The following NAALADL2 variants were observed in gnomAD, a reference collection of about 807,000 sequenced individuals.
NAALADL2 encodes N-acetylated alpha-linked acidic dipeptidase like 2, also known as inactive N-acetylated-alpha-linked acidic dipeptidase-like protein 2.
NAALADL2 carries 76 observed loss-of-function variants against 87.2 expected under a neutral mutation model. The ratio of observed to expected loss-of-function variants is 0.87; its 90% CI spans 0.72 to 1.05. The LOEUF is 1.05. NAALADL2 is among the 50% of genes least tolerant of loss of function. The pLI, the probability that NAALADL2 is intolerant of heterozygous loss-of-function variation, is 0.00. For synonymous variants in NAALADL2, 354 were observed against 331.0 expected, an observed-to-expected ratio of 1.07 and a Z score of -0.75; for missense variants, 1,089 against 945.8, an observed-to-expected ratio of 1.15 and a Z score of -1.99.
chr3:175,561,891 T>C (rs1473639826), intron 9 of NAALADL2, among the ~76,000 whole-genome samples: 1 of 152,224 alleles, frequency 6.6e-6, no homozygotes, highest in Non-Finnish European at 1.5e-5. Context: ...CAGCATAATG[T>C]AGACTTCAAC....
At position 175,573,751 on chromosome 3, in the gene NAALADL2, G is replaced by T. The variant is rs141360997; in HGVS notation, c.1654-2290G>T. ...CCCAGGAGTCTTAAGCCAGAGGAAT[G>T]TGTCAGAAAGTGAAAAAGGATTACC... On this transcript the variant is annotated intron_variant, in intron 9 of 13. Coordinates refer to ENST00000454872, the MANE Select transcript of NAALADL2 (RefSeq NM_207015.3). 2.0e-5 allele frequency among the ~76,000 whole-genome samples: 3 copies of T among 152,318 alleles called. No homozygotes were observed. The East Asian group carries it at 5.8e-4, about 29-fold the overall frequency.
At chr3:174,945,120 A>G (rs1739205736) in intron 1 of NAALADL2, among the ~76,000 whole-genome samples, 1 of 152,216 alleles carries the variant, frequency 6.6e-6, no homozygotes, top group African/African-American at 2.4e-5. Context: ...GTGCTTACAA[A>G]CAATAGGTGT....
intron 2 of NAALADL2, among the ~76,000 whole-genome samples, chr3:174,630,693 G>A (rs747645761): frequency 2.0e-5 from 3 of 152,074 alleles, no homozygotes; most frequent in African/African-American, 4.8e-5. Context: ...CAACAGCTTC[G>A]TCTATGTTTA....
chr3:175,441,039 A>G (rs1719637891), intron 5 of NAALADL2, among the ~76,000 whole-genome samples: 1 of 151,026 alleles, frequency 6.6e-6, no homozygotes, highest in Non-Finnish European at 1.5e-5. Flanking sequence ...AGGGTGAGCA[A>G]ATACAGTTTT....
At chr3:175,267,863 C>T (rs1479224275) in intron 4 of NAALADL2, among the ~76,000 whole-genome samples, 3 of 152,116 alleles carry the variant, frequency 2.0e-5, no homozygotes, top group African/African-American at 7.2e-5. Flanking sequence ...AGTCAGTGGT[C>T]AAACTTTTTA....
At chr3:175,176,221 G>A (rs1330751814) in intron 2 of NAALADL2, among the ~76,000 whole-genome samples, 1 of 151,670 alleles carries the variant, frequency 6.6e-6, no homozygotes, top group Non-Finnish European at 1.5e-5. Context: ...TCAGAATTTA[G>A]ATTTCCTTTC....
chr3:175,558,194 C>CAAAAAAAA (rs71164638), intron 9 of NAALADL2, among the ~76,000 whole-genome samples: 23 of 82,408 alleles, frequency 2.8e-4, no homozygotes, highest in African/African-American at 7.9e-4. Context: ...GACCCCGTCT[C>CAAAAAAAA]AAAAAAAAAA....
intron 12 of NAALADL2, among the ~76,000 whole-genome samples, chr3:175,741,682 G>A (rs142917353): frequency 6.6e-6 from 1 of 152,158 alleles, no homozygotes; most frequent in East Asian, 1.9e-4. Flanking sequence ...TTATAAAAGA[G>A]ATAATTCAGC....
At chr3:175,783,320 G>C (rs1312260263) in intron 13 of NAALADL2, among the ~76,000 whole-genome samples, 1 of 151,896 alleles carries the variant, frequency 6.6e-6, no homozygotes, top group Non-Finnish European at 1.5e-5. Flanking sequence ...TCACGATACT[G>C]ATTCTTCCTA....
rs143691281 is a variant in NAALADL2 at position 175,626,534 on chromosome 3, C to G, written c.1801-757C>G. Among the ~76,000 whole-genome samples the G allele has an allele frequency of 4.1e-3, 627 of 151,922 alleles. 6 individuals are homozygous for G. Among genetic ancestry groups the G allele is most frequent in the African/African-American group, 0.014 (594 of 41,512 alleles). ...ATTCTGTATCCTGTTCTCGCAACTC[C>G]ACAGAATCTTCTCTGACAAAAGAAA... On this transcript the variant is annotated intron_variant, in intron 10 of 13. Transcript: ENST00000454872.
intron 5 of NAALADL2, among the ~76,000 whole-genome samples, chr3:175,342,205 A>G (rs1384210552): frequency 6.6e-6 from 1 of 152,138 alleles, no homozygotes; most frequent in Non-Finnish European, 1.5e-5. Context: ...GCTTTTAAAA[A>G]GAAGTGTCAG....
intron 1 of NAALADL2, among the ~76,000 whole-genome samples, chr3:174,901,059 A>G (rs529274264): frequency 1.3e-5 from 2 of 152,188 alleles, no homozygotes; most frequent in Admixed American, 1.3e-4. Flanking sequence ...ACTGTATGAT[A>G]AAATTAAACT....
Position 175,772,050 on chromosome 3 carries a change from A to G in NAALADL2, c.2189+16632A>G, listed in dbSNP as rs113814163. Reference sequence around the variant, plus strand: ...ACATGTGGGGATTATGGGAACTACAATTCAAGATTTGGGTGGGGACACAGC... The same window carrying G: ...ACATGTGGGGATTATGGGAACTACAGTTCAAGATTTGGGTGGGGACACAGC... On this transcript the variant is annotated intron_variant, in intron 13 of 13. Transcript: ENST00000454872. 8.3e-3 allele frequency among the ~76,000 whole-genome samples: 1,257 copies of G among 152,228 alleles called. 17 individuals carry two copies. The highest frequency in any genetic ancestry group is 0.028 in the African/African-American group (1,174 of 41,544).
At chr3:175,330,732 A>T (rs575873400) in intron 5 of NAALADL2, among the ~76,000 whole-genome samples, 9 of 152,328 alleles carry the variant, frequency 5.9e-5, no homozygotes, top group Admixed American at 2.6e-4. Flanking sequence ...AAATCTAATG[A>T]TCCATCTCAA....
At chr3:175,188,860 C>T (rs561846523) in intron 2 of NAALADL2, among the ~76,000 whole-genome samples, 1 of 152,160 alleles carries the variant, frequency 6.6e-6, no homozygotes, top group East Asian at 1.9e-4. Flanking sequence ...GTTCTGGGAC[C>T]AGAACTGTAG....
At chr3:175,423,355 T>C (rs990426174) in intron 5 of NAALADL2, among the ~76,000 whole-genome samples, 1 of 151,500 alleles carries the variant, frequency 6.6e-6, no homozygotes. Context: ...CATGTTGGTG[T>C]GCTGCACCCA....
chr3:174,592,741 C>G (rs1338400198), intron 2 of NAALADL2, among the ~76,000 whole-genome samples: 1 of 152,064 alleles, frequency 6.6e-6, no homozygotes, highest in Non-Finnish European at 1.5e-5. Context: ...ATCTGTGTAA[C>G]AATGCCCCTA....
chr3:174,479,983 T>C (rs1245452121), intron 1 of NAALADL2, among the ~76,000 whole-genome samples: 1 of 152,138 alleles, frequency 6.6e-6, no homozygotes, highest in Non-Finnish European at 1.5e-5. Flanking sequence ...GACATGGTAA[T>C]ATGTGAGTTT....
chr3:174,946,577 ATTTTC>A (rs1427114643), intron 1 of NAALADL2, among the ~76,000 whole-genome samples: 4 of 152,118 alleles, frequency 2.6e-5, no homozygotes, highest in Non-Finnish European at 5.9e-5. Flanking sequence ...TTCTGAATGT[ATTTTC>A]TTTTATTAAT....
Sources: gnomAD v4.1 joint callset for allele counts (sites outside exome capture counted in the v4.1 genomes callset) on GRCh38, gnomAD v4.1.1 for gene constraint, MANE v1.5 for transcripts, NCBI Gene and HGNC (gene_info 2026-07-23, HGNC 2026-07-21) for gene names.